Variants in ATM observed in about 807,000 individuals in gnomAD.
The protein encoded by ATM is serine-protein kinase ATM.
A neutral mutation model predicts 387.0 loss-of-function variants in ATM; 308 were observed. The observed-to-expected ratio is 0.80, with a 90% confidence interval of 0.73 to 0.87. The LOEUF (loss-of-function observed/expected upper bound fraction) is 0.87. Among genes scored for constraint, ATM ranks in the 40% least tolerant of loss-of-function variants. The pLI is 0.00. For synonymous variants in ATM, 1,156 were observed against 1,187.3 expected, an observed-to-expected ratio of 0.97 and a Z score of 0.54; for missense variants, 3,312 against 3,560.9, an observed-to-expected ratio of 0.93 and a Z score of 1.78.
intron 37 of ATM, 115 bp from the exon 38 acceptor site, chr11:108,307,782 A>C: frequency 2.3e-6 from 2 of 888,512 alleles, no homozygotes; most frequent in East Asian, 5.3e-5. Flanking sequence ...ATTTTGTGTT[A>C]GGTACTGCCC....
intron 48 of ATM, among the ~76,000 whole-genome samples, chr11:108,328,174 A>G (rs911139206): frequency 6.6e-6 from 1 of 152,212 alleles, no homozygotes; most frequent in Non-Finnish European, 1.5e-5. Context: ...TTATTCCTTT[A>G]GATTCACTAA....
chr11:108,340,932 A>G (rs1187267998), intron 56 of ATM, among the ~76,000 whole-genome samples: 1 of 152,018 alleles, frequency 6.6e-6, no homozygotes, highest in African/African-American at 2.4e-5. Context: ...TATTGTTTTT[A>G]TTGAGGTTTT....
At chr11:108,253,738 G>T in intron 12 of ATM, 76 bp from the exon 13 acceptor site, 2 of 1,037,800 alleles carry the variant, frequency 1.9e-6, no homozygotes, top group East Asian at 2.5e-5. Flanking sequence ...GTTTTCCTTT[G>T]TAATATATTG....
chr11:108,232,932 G>T (rs1280589153), intron 4 of ATM, among the ~76,000 whole-genome samples: 6 of 151,138 alleles, frequency 4.0e-5, no homozygotes, highest in African/African-American at 1.5e-4. Context: ...GCGCCATCTT[G>T]GCTCACTGCA....
intron 16 of ATM, among the ~76,000 whole-genome samples, chr11:108,266,943 C>T (rs2081283895): frequency 6.6e-6 from 1 of 151,752 alleles, no homozygotes; most frequent in Admixed American, 6.6e-5. Context: ...TTACAGGTGC[C>T]CACCACCACA....
At chr11:108,293,597 A>G (rs1049181453) in intron 31 of ATM, 120 bp downstream of exon 31, 1 of 932,388 alleles carries the variant, frequency 1.1e-6, no homozygotes, top group Non-Finnish European at 1.6e-6. Flanking sequence ...TTAAAAATAT[A>G]TACGTAGGCC....
intron 22 of ATM, among the ~76,000 whole-genome samples, chr11:108,275,549 C>T (rs1591619409): frequency 6.6e-6 from 1 of 152,172 alleles, no homozygotes; most frequent in African/African-American, 2.4e-5. Flanking sequence ...TCTTGTAAGG[C>T]AGGCCTGGTG....
rs4988022 is a variant in ATM at position 108,298,097 on chromosome 11, C to T, written c.5005+715C>T. ...TAAAAACCATTCAAGTCCTTTCCTA[C>T]AGCCATTTGAGGGGAAACCTAATGT... On this transcript the variant is annotated intron_variant, in intron 33 of 62. Transcript: ENST00000675843. 9.1e-3 allele frequency among the ~76,000 whole-genome samples: 1,392 copies of T among 152,292 alleles called. 23 individuals carry two copies. The highest frequency in any genetic ancestry group is 0.031 in the African/African-American group (1,292 of 41,556).
rs587782153 is a variant in ATM at position 108,299,747 on chromosome 11, C to G, written c.5039C>G (p.Pro1680Arg). The change falls in exon 34 of 63, where the codon CCT becomes CGT. Residue 1680 changes from proline to arginine, a missense_variant. By Grantham distance (103) the Pro-to-Arg change is moderately radical. This residue lies in a region of ATM where 1,405 missense variants were observed against 1,604.4 expected (regional missense o/e 0.88). Coordinates refer to ENST00000675843, the MANE Select transcript of ATM (RefSeq NM_000051.4). ...AVGSCLGEVGPIDFSTIAIQH... is the reference protein window; with the variant it reads ...AVGSCLGEVGRIDFSTIAIQH... Reference sequence around the variant, plus strand: ...GGAAGCTGCTTGGGAGAAGTGGGTCCTATAGATTTCTCTACCATAGCTATA... The same window carrying G: ...GGAAGCTGCTTGGGAGAAGTGGGTCGTATAGATTTCTCTACCATAGCTATA... The G allele has an allele frequency of 6.2e-7, 1 of 1,613,822 alleles. No homozygotes were observed. Among genetic ancestry groups the G allele is most frequent in the Non-Finnish European group, 8.5e-7 (1 of 1,179,884 alleles).
intron 31 of ATM, among the ~76,000 whole-genome samples, chr11:108,294,664 G>A (rs1483604787): frequency 3.9e-5 from 6 of 152,142 alleles, no homozygotes; most frequent in Non-Finnish European, 2.9e-5. Flanking sequence ...CACTTGAACC[G>A]GGGAGGCGGA....
At chr11:108,270,213 C>T (rs532232351) in intron 18 of ATM, among the ~76,000 whole-genome samples, 5 of 152,234 alleles carry the variant, frequency 3.3e-5, no homozygotes, top group Non-Finnish European at 5.9e-5. Flanking sequence ...CCATAAAGAG[C>T]CTTACAAGAT....
At chr11:108,359,096 G>A (rs2090393722) in intron 61 of ATM, among the ~76,000 whole-genome samples, 2 of 149,226 alleles carry the variant, frequency 1.3e-5, no homozygotes, top group African/African-American at 4.9e-5. Context: ...AAAGGATGGA[G>A]GAAGATCTAC....
At chr11:108,251,664 T>A (rs1410971406) in intron 10 of ATM, among the ~76,000 whole-genome samples, 173 bp from the exon 11 acceptor site, 1 of 152,230 alleles carries the variant, frequency 6.6e-6, no homozygotes, top group African/African-American at 2.4e-5. Context: ...GCACTGTTAA[T>A]AAACGAGCTA....
At chr11:108,268,331 G>A (rs1392329591) in intron 17 of ATM, 79 bp from the exon 18 acceptor site, 6 of 1,322,452 alleles carry the variant, frequency 4.5e-6, no homozygotes, top group African/African-American at 1.5e-5. Flanking sequence ...TTTGTGAAGA[G>A]GAGGAAATTT....
intron 42 of ATM, 114 bp from the exon 43 acceptor site, chr11:108,317,259 G>T: frequency 1.8e-6 from 2 of 1,127,436 alleles, no homozygotes; most frequent in Non-Finnish European, 1.3e-6. Flanking sequence ...GATTTTAAAT[G>T]ATATTGTGAA....
Position 108,316,239 on chromosome 11 carries a change from A to G in ATM, c.6198+126A>G, listed in dbSNP as rs1047440067. ...TAAGACTAGAACTTATCTGTTTTTCAGAGGATTAGGCTAAACATTCAGGGA... is the reference window on the plus strand; with the variant it reads ...TAAGACTAGAACTTATCTGTTTTTCGGAGGATTAGGCTAAACATTCAGGGA... On this transcript the variant is annotated intron_variant, in intron 42 of 62. Coordinates refer to ENST00000675843, the MANE Select transcript of ATM (RefSeq NM_000051.4). 60 of 985,206 alleles carry G rather than the reference A, an allele frequency of 6.1e-5. No homozygotes were observed. The African/African-American group carries it at 8.1e-4, about 13-fold the overall frequency. 61.0% of individuals were successfully genotyped at this position (985,206 alleles called of 1,614,324 possible).
At position 108,293,471 on chromosome 11, in the gene ATM, C is replaced by T. The variant is rs749475519; in HGVS notation, c.4770C>T (p.Leu1590=). The change falls in exon 31 of 63, where the codon CTC becomes CTT. Residue 1590 remains leucine, a synonymous_variant. Transcript: ENST00000675843. ...KIKYSRGPFS[L]LEEINHFLSV... is the part of the protein sequence containing the mutation. ...AATACAGTAGAGGACCCTTTTCACT[C>T]TTGGAGGTAATAAAAATTTCATCAT... 1 of 1,610,260 alleles carries T rather than the reference C, an allele frequency of 6.2e-7. No individual in the cohort carries two copies. Among genetic ancestry groups the T allele is most frequent in the Admixed American group, 1.7e-5 (1 of 59,934 alleles).
Position 108,253,888 on chromosome 11 carries a change from A to T in ATM, c.1973A>T (p.Asp658Val), listed in dbSNP as rs1177954052. The change falls in exon 13 of 63, where the codon GAC becomes GTC. Residue 658 changes from aspartate to valine, a missense_variant. Around this residue, in one of 4 missense-constraint regions of ATM, gnomAD observed 1,791 missense variants for 1,804.5 expected, o/e 0.99. Coordinates refer to ENST00000675843, the MANE Select transcript of ATM (RefSeq NM_000051.4). ...GAACTATTTCTTCAGACAACTTTTG[A>T]CAAGATGGACTTTTTAACCATTGTG... ...VEELFLQTTF[D>V]KMDFLTIVRE... The T allele has an allele frequency of 6.2e-7, 1 of 1,614,088 alleles. No individual in the cohort carries two copies. Among genetic ancestry groups the T allele is most frequent in the Non-Finnish European group, 8.5e-7 (1 of 1,179,986 alleles).
At chr11:108,272,296 A>C (rs1408096902) in intron 20 of ATM, among the ~76,000 whole-genome samples, 3 of 152,242 alleles carry the variant, frequency 2.0e-5, no homozygotes, top group Admixed American at 6.5e-5. Context: ...GGTAGCCCCC[A>C]AAAAAGGACA....
Sources: gnomAD v4.1 joint callset for allele counts (sites outside exome capture counted in the v4.1 genomes callset) on GRCh38, gnomAD v4.1.1 for gene constraint, gnomAD v4.1.1 regional missense constraint, MANE v1.5 for transcripts, NCBI Gene and HGNC (gene_info 2026-07-23, HGNC 2026-07-21) for gene names.